The following P3H1 variants were observed in gnomAD, a reference collection of about 807,000 sequenced individuals.
The protein encoded by P3H1 is growth suppressor 1.
Under a neutral mutation model 84.0 loss-of-function variants are expected in P3H1, and 69 were observed. The ratio of observed to expected loss-of-function variants is 0.82; its 90% CI spans 0.68 to 1.00. The LOEUF (loss-of-function observed/expected upper bound fraction) is 1.00, where lower values mean the gene tolerates loss of function less well. P3H1 is among the 50% of genes least tolerant of loss of function. P3H1 has a pLI of 0.00. For missense variants in P3H1, 878 were observed against 962.8 expected (o/e 0.91, Z 1.17); for synonymous variants, 366 against 388.8 (o/e 0.94, Z 0.69).
At chr1:42,765,186 C>G (rs542576566) in intron 1 of P3H1, among the ~76,000 whole-genome samples, 3 of 152,318 alleles carry the variant, frequency 2.0e-5, no homozygotes, top group South Asian at 4.1e-4. Context: ...ATTGCAATCA[C>G]AAGAGTTCAT....
At chr1:42,758,678 T>C (rs1016035334) in intron 4 of P3H1, among the ~76,000 whole-genome samples, 174 bp downstream of exon 4, 1 of 152,230 alleles carries the variant, frequency 6.6e-6, no homozygotes, top group Non-Finnish European at 1.5e-5. Flanking sequence ...TGGTATTGGC[T>C]TCCTAGGCCA....
chr1:42,764,738 T>C (rs1307778701), intron 1 of P3H1, among the ~76,000 whole-genome samples: 1 of 152,190 alleles, frequency 6.6e-6, no homozygotes, highest in Non-Finnish European at 1.5e-5. Context: ...AAAGGCACAC[T>C]AAAGGAGTCA....
chr1:42,761,941 TG>T, intron 2 of P3H1: 1 of 226,664 alleles, frequency 4.4e-6, no homozygotes, highest in Non-Finnish European at 8.9e-6. Flanking sequence ...CCAAATTAGA[TG>T]AAAAAATTAT....
At chr1:42,757,733 T>C in intron 5 of P3H1, 50 bp downstream of exon 5, 3 of 1,613,950 alleles carry the variant, frequency 1.9e-6, no homozygotes, top group Non-Finnish European at 2.5e-6. Context: ...TCTTCCGCCC[T>C]CAGGTCTGAG....
At chr1:42,748,363 C>T (rs199662083) in intron 11 of P3H1, 46 bp from the exon 12 acceptor site, 97 of 1,384,258 alleles carry the variant, frequency 7.0e-5, no homozygotes, top group East Asian at 6.2e-4. Flanking sequence ...CCTCGGGAGA[C>T]GGCATAGCTC....
chr1:42,762,305 G>A lies in P3H1; in HGVS notation c.618+18C>T. ...TTTAAAAAGAAAGAAAGAAAGAAGGGGATAAAGTTTTTTTCACCATATGGG... is the reference window on the plus strand; with the variant it reads ...TTTAAAAAGAAAGAAAGAAAGAAGGAGATAAAGTTTTTTTCACCATATGGG... On this transcript the variant is annotated intron_variant, in intron 2 of 14. Coordinates refer to ENST00000296388, the MANE Select transcript of P3H1 (RefSeq NM_022356.4). 3 of 1,604,968 alleles carry A rather than the reference G, an allele frequency of 1.9e-6. No homozygotes were observed. Among genetic ancestry groups the A allele is most frequent in the African/African-American group, 1.3e-5 (1 of 74,478 alleles).
At chr1:42,751,572 A>AAATAAATAAATAAATAAAT (rs1557564514) in intron 10 of P3H1, 1 of 141,968 alleles carries the variant, frequency 7.0e-6, no homozygotes. Context: ...CAATAAAAAA[A>AAATAAATAAATAAATAAAT]AAATAAATAA....
intron 5 of P3H1, 119 bp downstream of exon 5, chr1:42,757,664 A>G (rs897341531): frequency 6.9e-7 from 1 of 1,457,128 alleles, no homozygotes; most frequent in African/African-American, 1.4e-5. Flanking sequence ...TCTGGCCCCA[A>G]CACTGACATC....
chr1:42,760,331 A>C (rs973522460), intron 2 of P3H1: 2 of 151,904 alleles, frequency 1.3e-5, no homozygotes, highest in Admixed American at 1.3e-4. Context: ...AAATAAACAC[A>C]ACTTACTTTT....
Position 42,767,027 on chromosome 1 carries a change from AC to A in P3H1, c.-57del. On this transcript the variant is annotated 5_prime_UTR_variant, in exon 1 of 15. Transcript: ENST00000296388. ...CACCCGCCACCAAGGCCGGAGTCCTACCCCCGGCGAAGGCCCGCCCCCGGGC... is the reference window on the plus strand; with the variant it reads ...CACCCGCCACCAAGGCCGGAGTCCTACCCCGGCGAAGGCCCGCCCCCGGGC... The A allele has an allele frequency of 1.9e-6, 3 of 1,573,298 alleles. No homozygotes were observed.
chr1:42,747,366 C>T lies in P3H1; in HGVS notation c.1961G>A (p.Gly654Asp), dbSNP rs867281973. Residue 654 changes from glycine (G) to aspartate (D), a missense_variant, in exon 14 of 15, where the codon GGC becomes GAC. By Grantham distance (94) the Gly-to-Asp change is moderately conservative. Coordinates refer to ENST00000296388, the MANE Select transcript of P3H1 (RefSeq NM_022356.4). ...CTTCACTCCATGTGGGTTTTCAGTG[C>T]CTGAAGAGAATCCCACGGCTCTTCC... ...QCGRAVGFSS[G>D]TENPHGVKAV... The T allele has an allele frequency of 1.2e-6, 2 of 1,610,360 alleles. No homozygotes were observed. Among genetic ancestry groups the T allele is most frequent in the Admixed American group, 3.3e-5 (2 of 59,858 alleles).
chr1:42,763,320 T>C (rs1652814388), intron 1 of P3H1, among the ~76,000 whole-genome samples: 1 of 152,000 alleles, frequency 6.6e-6, no homozygotes, highest in Non-Finnish European at 1.5e-5. Context: ...AGTCCAGACA[T>C]AGTATTTTCT....
intron 4 of P3H1, among the ~76,000 whole-genome samples, chr1:42,758,355 A>G (rs1652517070): frequency 6.6e-6 from 1 of 152,226 alleles, no homozygotes; most frequent in African/African-American, 2.4e-5. Flanking sequence ...CTTTGGCAAA[A>G]TAGTTCTTGT....
intron 1 of P3H1, among the ~76,000 whole-genome samples, chr1:42,766,006 G>GGC (rs1652966819): frequency 1.1e-5 from 1 of 89,876 alleles, no homozygotes; most frequent in African/African-American, 4.3e-5. Context: ...TAGCCAGAGG[G>GGC]TCCCCCCCCC....
At position 42,755,191 on chromosome 1, in the gene P3H1, A is replaced by G; in HGVS notation, c.1197T>C (p.Ile399=). 6.2e-7 allele frequency: 1 copy of G among 1,614,200 alleles called. No homozygotes were observed. Among genetic ancestry groups the G allele is most frequent in the East Asian group, 2.2e-5 (1 of 44,886 alleles). Residue 399 remains isoleucine (I), a synonymous_variant, in exon 7 of 15, where the codon ATT becomes ATC. Coordinates refer to ENST00000296388, the MANE Select transcript of P3H1 (RefSeq NM_022356.4). ...DPDSWTPEEV[I]PKRLQEKQKS... Reference sequence around the variant, plus strand: ...TCTGTTTCTCTTGCAATCTCTTGGGAATCACTTCTTCTGGAGTCCATGAAT... The same window carrying G: ...TCTGTTTCTCTTGCAATCTCTTGGGGATCACTTCTTCTGGAGTCCATGAAT...
At chr1:42,755,429 G>A in intron 6 of P3H1, 119 bp downstream of exon 6, 2 of 1,036,726 alleles carry the variant, frequency 1.9e-6, no homozygotes, top group South Asian at 2.6e-5. Flanking sequence ...ACAGATCCCA[G>A]GCTAGGCTCA....
At chr1:42,749,756 TTTGTTG>T (rs139306499) in intron 11 of P3H1, 12 of 176,804 alleles carry the variant, frequency 6.8e-5, no homozygotes, top group Non-Finnish European at 1.4e-4. Flanking sequence ...AAGCCTTCTT[TTTGTTG>T]TTGTTGTTGT....
At chr1:42,747,591 C>T (rs1031124970) in intron 13 of P3H1, 132 bp downstream of exon 13, 1 of 1,132,564 alleles carries the variant, frequency 8.8e-7, no homozygotes. Flanking sequence ...GTCTCAAAGC[C>T]CCTCTGGATG....
rs750685729 is a variant in P3H1 at position 42,750,266 on chromosome 1, C to T, written c.1640G>A (p.Arg547His). Residue 547 changes from arginine to histidine, a missense_variant, in exon 11 of 15, where the codon CGC becomes CAC. Physicochemically the swap from Arg to His is conservative, Grantham distance 29. Transcript: ENST00000296388. ...CAGGCGGAAGTAGGACTCCATGATG[C>T]GCCGCACCTTCTCCGTCACGTTGTA... is the stretch of plus-strand genomic sequence containing the variant. The part of the protein sequence containing the change: ...LYYNVTEKVR[R>H]IMESYFRLDT... 36 of 1,613,790 alleles carry T rather than the reference C, an allele frequency of 2.2e-5. No individual in the cohort carries two copies. Among genetic ancestry groups the T allele is most frequent in the Admixed American group, 1.8e-4 (11 of 59,958 alleles).
Sources: allele counts gnomAD v4.1 joint callset (sites outside exome capture counted in the v4.1 genomes callset), GRCh38; gene constraint gnomAD v4.1.1; transcripts MANE v1.5; gene names NCBI Gene and HGNC (gene_info 2026-07-23, HGNC 2026-07-21).